The following ZFAND4 variants were observed in gnomAD, a reference collection of about 807,000 sequenced individuals.
The protein encoded by ZFAND4 is AN1-type zinc finger protein 4.
ZFAND4 carries 43 observed loss-of-function variants against 64.4 expected under a neutral mutation model. That is an observed-to-expected ratio of 0.67 (90% CI 0.52 to 0.86). The LOEUF (loss-of-function observed/expected upper bound fraction) is 0.86, where lower values mean the gene tolerates loss of function less well. ZFAND4 is among the 40% of genes least tolerant of loss of function. The pLI is 0.00. For missense variants in ZFAND4, 929 were observed against 859.8 expected, an observed-to-expected ratio of 1.08 and a Z score of -1.01; for synonymous variants, 296 against 305.7, an observed-to-expected ratio of 0.97 and a Z score of 0.33.
chr10:45,670,383 C>A lies in ZFAND4; in HGVS notation c.-118+1867G>T, dbSNP rs183822368. Reference sequence around the variant, plus strand: ...CTGGGATTACAGGCATGTGCCACCACGCCCGGCTAATTTTTTTGCATTTTT... The same window carrying A: ...CTGGGATTACAGGCATGTGCCACCAAGCCCGGCTAATTTTTTTGCATTTTT... On this transcript the variant is annotated intron_variant, in intron 1 of 9. Coordinates refer to ENST00000344646, the MANE Select transcript of ZFAND4 (RefSeq NM_174890.4). Among the ~76,000 whole-genome samples the A allele has an allele frequency of 2.6e-5, 4 of 152,012 alleles. No homozygotes were observed. In the South Asian group the frequency reaches 8.3e-4, roughly 31 times the overall value.
chr10:45,618,436 G>A (rs566013281), intron 8 of ZFAND4, among the ~76,000 whole-genome samples, 176 bp from the exon 9 acceptor site: 1 of 152,194 alleles, frequency 6.6e-6, no homozygotes, highest in East Asian at 1.9e-4. Context: ...AGTTGCAGTG[G>A]AACTATTTCT....
intron 1 of ZFAND4, among the ~76,000 whole-genome samples, chr10:45,667,004 T>C (rs1400166825): frequency 1.3e-5 from 2 of 152,236 alleles, no homozygotes; most frequent in African/African-American, 4.8e-5. Context: ...ATTTTAAGTA[T>C]GCCCATTTTG....
intron 1 of ZFAND4, among the ~76,000 whole-genome samples, chr10:45,671,576 C>A (rs572044673): frequency 2.0e-5 from 3 of 152,204 alleles, no homozygotes; most frequent in South Asian, 4.1e-4. Context: ...CAAACTGTCA[C>A]AAGGACAGAA....
intron 2 of ZFAND4, among the ~76,000 whole-genome samples, chr10:45,656,501 CAAAAAAAAAAA>C (rs541781976): frequency 1.2e-4 from 3 of 24,714 alleles, no homozygotes; most frequent in African/African-American, 3.9e-4. Flanking sequence ...GAACCTGTCT[CAAAAAAAAAAA>C]AAAAAAAAAA....
At chr10:45,659,358 C>G (rs561651294) in intron 2 of ZFAND4, among the ~76,000 whole-genome samples, 1 of 152,124 alleles carries the variant, frequency 6.6e-6, no homozygotes, top group East Asian at 1.9e-4. Flanking sequence ...AATTGTAAGA[C>G]GCAAACTCTA....
At chr10:45,659,973 C>T (rs955175375) in intron 2 of ZFAND4, among the ~76,000 whole-genome samples, 3 of 151,846 alleles carry the variant, frequency 2.0e-5, no homozygotes, top group East Asian at 3.9e-4. Context: ...GTCAGGAGAT[C>T]GAGACCATCC....
rs775087841 is a variant in ZFAND4 at position 45,639,933 on chromosome 10, A to T, written c.600T>A (p.Asp200Glu). 1.2e-6 allele frequency: 2 copies of T among 1,612,672 alleles called. No individual in the cohort carries two copies. The highest frequency in any genetic ancestry group is 1.1e-5 in the South Asian group (1 of 90,918). ...SGGSMYNSDT[D>E]EDEETEPSSS... ...AAGAAGGCTCAGTTTCTTCATCCTCATCTGTATCTGAATTATACATAGAAC... is the reference window on the plus strand; with the variant it reads ...AAGAAGGCTCAGTTTCTTCATCCTCTTCTGTATCTGAATTATACATAGAAC... Residue 200 changes from aspartate (D) to glutamate (E), a missense_variant, in exon 6 of 10, where the codon GAT becomes GAA. Coordinates refer to ENST00000344646, the MANE Select transcript of ZFAND4 (RefSeq NM_174890.4).
chr10:45,663,149 G>C, intron 2 of ZFAND4, among the ~76,000 whole-genome samples: 1 of 148,746 alleles, frequency 6.7e-6, no homozygotes, highest in East Asian at 1.9e-4. Context: ...TTGCAAAGCA[G>C]TGTAAAAAGG....
chr10:45,618,449 T>C (rs1236026384), intron 8 of ZFAND4, among the ~76,000 whole-genome samples, 189 bp from the exon 9 acceptor site: 1 of 152,242 alleles, frequency 6.6e-6, no homozygotes. Flanking sequence ...CTATTTCTTT[T>C]AAGATGTGGT....
intron 1 of ZFAND4, among the ~76,000 whole-genome samples, chr10:45,670,963 C>T (rs2049143686): frequency 6.6e-6 from 1 of 152,054 alleles, no homozygotes; most frequent in Non-Finnish European, 1.5e-5. Flanking sequence ...CCAGAATCTA[C>T]AAAGAACTTA....
chr10:45,640,243 TATC>T (rs1431779543), intron 5 of ZFAND4: 2 of 1,218,852 alleles, frequency 1.6e-6, no homozygotes, highest in African/African-American at 3.2e-5. Context: ...ACACCTGCCA[TATC>T]ATTCCCAAAG....
chr10:45,619,045 AT>A (rs112218055), intron 8 of ZFAND4, among the ~76,000 whole-genome samples: 7,015 of 145,084 alleles, frequency 0.048, 170 homozygotes, highest in African/African-American at 0.074. Context: ...AATTAAATCA[AT>A]TTTTTTTTTT....
At chr10:45,616,851 T>G (rs2045000688) in intron 9 of ZFAND4, among the ~76,000 whole-genome samples, 1 of 152,092 alleles carries the variant, frequency 6.6e-6, no homozygotes, top group South Asian at 2.1e-4. Context: ...TCCCAGCACT[T>G]TGGGAAGCCG....
chr10:45,629,093 T>C (rs945188561), intron 6 of ZFAND4, among the ~76,000 whole-genome samples: 2 of 152,164 alleles, frequency 1.3e-5, no homozygotes, highest in Non-Finnish European at 1.5e-5. Context: ...TGTGTATTTT[T>C]TGAGACAGGG....
At chr10:45,637,945 G>A (rs943750986) in intron 6 of ZFAND4, among the ~76,000 whole-genome samples, 2 of 152,092 alleles carry the variant, frequency 1.3e-5, no homozygotes, top group African/African-American at 4.8e-5. Flanking sequence ...GCAAAAGGCA[G>A]AGAACTCAAT....
intron 4 of ZFAND4, chr10:45,651,357 C>A (rs543886142): frequency 6.3e-5 from 19 of 299,628 alleles, no homozygotes; most frequent in African/African-American, 4.1e-4. Context: ...GGAGTTACAT[C>A]GACTCTTTAC....
chr10:45,619,477 C>T (rs965477413), intron 8 of ZFAND4, among the ~76,000 whole-genome samples: 1 of 152,134 alleles, frequency 6.6e-6, no homozygotes, highest in African/African-American at 2.4e-5. Flanking sequence ...TACACATGTG[C>T]TTGGTGTCAC....
intron 6 of ZFAND4, among the ~76,000 whole-genome samples, chr10:45,635,195 C>CAAAAAAAAAAAAAAAAAAAAA (rs1173808756): frequency 3.3e-4 from 9 of 27,604 alleles, no homozygotes; most frequent in African/African-American, 6.8e-4. Context: ...GCCATCTAAG[C>CAAAAAAAAAAAAAAAAAAAAA]AAAAAAAAAA....
At chr10:45,664,335 C>T (rs1404283649) in intron 1 of ZFAND4, among the ~76,000 whole-genome samples, 2 of 150,216 alleles carry the variant, frequency 1.3e-5, no homozygotes, top group African/African-American at 4.9e-5. Context: ...GTGGCACAAT[C>T]TCGGCTCACT....
Sources: allele counts gnomAD v4.1 joint callset (sites outside exome capture counted in the v4.1 genomes callset), GRCh38; gene constraint gnomAD v4.1.1; transcripts MANE v1.5; gene names NCBI Gene and HGNC (gene_info 2026-07-23, HGNC 2026-07-21).